LMF1: variants seen among roughly 807,000 people sequenced by gnomAD.
LMF1 encodes the protein lipase maturation factor 1, also known as transmembrane protein 112.
LMF1 carries 68 observed loss-of-function variants against 60.6 expected under a neutral mutation model. The observed-to-expected ratio is 1.12, with a 90% CI of 0.92 to 1.37. The LOEUF (loss-of-function observed/expected upper bound fraction) is 1.37, where lower values mean the gene tolerates loss of function less well. Ranked by LOEUF, LMF1 falls within the 40% of genes most tolerant of loss-of-function variation. The pLI is 0.00. For missense variants in LMF1, 948 were observed against 767.2 expected (o/e 1.24, Z -2.78); for synonymous variants, 418 against 324.7 (o/e 1.29, Z -3.09).
At chr16:922,681 G>T (rs1437635914) in intron 3 of LMF1, among the ~76,000 whole-genome samples, 1 of 142,962 alleles carries the variant, frequency 7.0e-6, no homozygotes, top group Non-Finnish European at 1.5e-5. Flanking sequence ...ATGTGGTATT[G>T]GTGTCGTGTT....
At chr16:857,195 T>C (rs922117294) in intron 10 of LMF1, among the ~76,000 whole-genome samples, 1 of 152,172 alleles carries the variant, frequency 6.6e-6, no homozygotes, top group African/African-American at 2.4e-5. Context: ...TCTTTGCAGT[T>C]TTTGTCTGTG....
At chr16:907,713 T>C (rs1205939560) in intron 4 of LMF1, among the ~76,000 whole-genome samples, 2 of 152,170 alleles carry the variant, frequency 1.3e-5, no homozygotes, top group Non-Finnish European at 2.9e-5. Context: ...CCTAGCCGGC[T>C]CTGTCCACAG....
chr16:893,323 G>A (rs1474261877), intron 4 of LMF1: 6 of 601,582 alleles, frequency 1.0e-5, no homozygotes, highest in Admixed American at 2.2e-5. Context: ...CTTCCTTTGC[G>A]CCTTCCCCAA....
intron 6 of LMF1, chr16:872,993 G>A (rs1052157834): frequency 6.6e-6 from 1 of 152,258 alleles, no homozygotes; most frequent in African/African-American, 2.4e-5. Flanking sequence ...TGTGGGCTCA[G>A]TGGGGAACTC....
In LMF1 at chr16:950,218, A is replaced by C. The variant is rs1335130637; in HGVS notation, c.503+4139T>G. Among the ~76,000 whole-genome samples the C allele has an allele frequency of 3.5e-4, 37 of 104,806 alleles. 2 individuals carry two copies. Among genetic ancestry groups the C allele is most frequent in the Non-Finnish European group, 5.8e-4 (32 of 55,432 alleles). The allele number at this position is 104,806 out of a possible 152,430, so 68.8% of individuals were successfully genotyped here. On this transcript the variant is annotated intron_variant, in intron 2 of 10. Transcript: ENST00000262301. ...GAGTCAGCCAATGACAGAGTCAGAG[A>C]CAGCGACAGAGTTAGAGACAATGAC...
chr16:863,904 C>T (rs1022744127), intron 10 of LMF1, among the ~76,000 whole-genome samples: 2 of 152,198 alleles, frequency 1.3e-5, no homozygotes, highest in Admixed American at 6.5e-5. Context: ...TAACTACATC[C>T]CAGAAAATGT....
intron 4 of LMF1, among the ~76,000 whole-genome samples, chr16:896,581 G>A (rs2070667294): frequency 6.6e-6 from 1 of 152,188 alleles, no homozygotes. Flanking sequence ...AGGGTGTCCA[G>A]CTGACCGGGC....
chr16:979,890 C>T, intron 1 of LMF1: 1 of 396,566 alleles, frequency 2.5e-6, no homozygotes, highest in Non-Finnish European at 5.1e-6. Flanking sequence ...GCGGGCGCCC[C>T]AGGCGATGCT....
At chr16:952,855 C>A (rs1458377076) in intron 2 of LMF1, among the ~76,000 whole-genome samples, 8 of 127,996 alleles carry the variant, frequency 6.3e-5, no homozygotes, top group Middle Eastern at 4.3e-3. Flanking sequence ...ACACAGACAC[C>A]CACCCCAAAC....
At chr16:869,452 G>C (rs1461815452) in intron 9 of LMF1, 8 of 544,950 alleles carry the variant, frequency 1.5e-5, no homozygotes, top group Non-Finnish European at 2.8e-5. Context: ...TGTTCGCTGA[G>C]ACAGGGTCTG....
intron 1 of LMF1, among the ~76,000 whole-genome samples, chr16:965,646 T>C (rs2072908431): frequency 6.6e-6 from 1 of 152,164 alleles, no homozygotes; most frequent in Non-Finnish European, 1.5e-5. Context: ...CTGGAAAAGC[T>C]GCTTGGGGAT....
rs892142957 is a variant in LMF1 at position 874,107 on chromosome 16, C to T, written c.898-2766G>A. On this transcript the variant is annotated intron_variant, in intron 6 of 10. Transcript: ENST00000262301. This position sits in a 1 kb window ranked among gnomAD's most constrained non-coding sequence, Gnocchi z 4.1. ...GGGAAGTTCTGGAACCAGGCGGAGG[C>T]GGCGGTTGCATCACGCTGTGAACGT... Among the ~76,000 whole-genome samples the T allele has an allele frequency of 3.3e-5, 5 of 152,162 alleles. No homozygotes were observed. Among genetic ancestry groups the T allele is most frequent in the African/African-American group, 7.2e-5 (3 of 41,426 alleles).
chr16:910,777 A>T (rs1039971379), intron 4 of LMF1, among the ~76,000 whole-genome samples, 154 bp downstream of exon 4: 11 of 152,192 alleles, frequency 7.2e-5, no homozygotes, highest in African/African-American at 2.7e-4. Flanking sequence ...AGGCCCCTGA[A>T]GGGGCAGAAG....
chr16:870,981 T>C, intron 7 of LMF1, 99 bp from the exon 8 acceptor site: 2 of 1,465,384 alleles, frequency 1.4e-6, no homozygotes, highest in Non-Finnish European at 9.1e-7. Context: ...TCAGCTGTCC[T>C]GGGTCCCGGG....
chr16:971,023 A>T (rs2073041236), upstream of LMF1: 1 of 1,356,036 alleles, frequency 7.4e-7, no homozygotes. Flanking sequence ...CCATTCTCGG[A>T]GGCCCCGCCC....
intron 2 of LMF1, among the ~76,000 whole-genome samples, chr16:936,366 G>C (rs2071945575): frequency 7.4e-6 from 1 of 135,236 alleles, no homozygotes. Context: ...AAGGAGGCTA[G>C]GAGAGAGGGG....
At chr16:940,436 G>A (rs1284179782) in intron 2 of LMF1, among the ~76,000 whole-genome samples, 1 of 152,072 alleles carries the variant, frequency 6.6e-6, no homozygotes, top group Non-Finnish European at 1.5e-5. Context: ...GGCAGGTGGT[G>A]TGGGAGGGTC....
chr16:927,225 C>T (rs1049713870), intron 3 of LMF1, among the ~76,000 whole-genome samples: 11 of 152,210 alleles, frequency 7.2e-5, no homozygotes, highest in African/African-American at 1.4e-4. Context: ...GCCCATGTCA[C>T]GTGGCGGGCT....
intron 3 of LMF1, among the ~76,000 whole-genome samples, chr16:917,929 C>T (rs143803089): frequency 3.9e-5 from 6 of 152,344 alleles, no homozygotes; most frequent in African/African-American, 1.2e-4. Flanking sequence ...TGCGTCTGCC[C>T]GCTGGCCATG....
Sources: gnomAD v4.1 joint callset for allele counts (sites outside exome capture counted in the v4.1 genomes callset) on GRCh38, gnomAD v4.1.1 for gene constraint, Gnocchi (gnomAD v3.1) non-coding constraint, MANE v1.5 for transcripts, NCBI Gene and HGNC (gene_info 2026-07-23, HGNC 2026-07-21) for gene names.